PTK7: variants seen among roughly 807,000 people sequenced by gnomAD.
The protein encoded by PTK7 is inactive tyrosine-protein kinase 7.
In PTK7, 39 loss-of-function variants were observed where a neutral mutation model predicts 116.6. That is an observed-to-expected ratio of 0.33 (90% CI 0.26 to 0.44). The LOEUF (loss-of-function observed/expected upper bound fraction) is 0.44. Ranked by LOEUF, PTK7 falls within the 20% of genes least tolerant of loss-of-function variation. The pLI is 1.00. For missense variants in PTK7, 1,169 were observed against 1,425.6 expected (o/e 0.82, Z 2.90); for synonymous variants, 546 against 563.6 (o/e 0.97, Z 0.44).
chr6:43,140,472 T>C (rs938285305), intron 10 of PTK7, among the ~76,000 whole-genome samples: 22 of 151,292 alleles, frequency 1.5e-4, no homozygotes, highest in African/African-American at 5.1e-4. Flanking sequence ...AAAAAAAATA[T>C]TGGGAGAAAA....
intron 1 of PTK7, among the ~76,000 whole-genome samples, chr6:43,088,106 T>G (rs1278697142): frequency 6.6e-6 from 1 of 151,802 alleles, no homozygotes; most frequent in African/African-American, 2.4e-5. Context: ...GAGACTAGCC[T>G]GGGGAACATA....
chr6:43,101,467 G>A lies in PTK7; in HGVS notation c.79+24900G>A, dbSNP rs550063455. ...CTCGGGAAGCTGAGGCATGAGAATG[G>A]CATGAACCCGGGAGGCAGAGCTGGC... is the stretch of plus-strand genomic sequence containing the variant. On this transcript the variant is annotated intron_variant, in intron 1 of 19. Coordinates refer to ENST00000230419, the MANE Select transcript of PTK7 (RefSeq NM_002821.5). Among the ~76,000 whole-genome samples the A allele has an allele frequency of 6.4e-3, 965 of 151,514 alleles. 4 individuals carry two copies. The highest frequency in any genetic ancestry group is 0.012 in the Non-Finnish European group (792 of 67,916).
chr6:43,127,910 C>G (rs1228619741), intron 1 of PTK7, among the ~76,000 whole-genome samples: 2 of 151,564 alleles, frequency 1.3e-5, no homozygotes, highest in African/African-American at 2.4e-5. Flanking sequence ...GCCTGGGTGA[C>G]AGATCGAGAC....
chr6:43,099,140 T>G (rs1324447807), intron 1 of PTK7, among the ~76,000 whole-genome samples: 1 of 151,558 alleles, frequency 6.6e-6, no homozygotes, highest in Non-Finnish European at 1.5e-5. Context: ...AATGTGACTT[T>G]GGCAATTCTA....
At position 43,129,327 on chromosome 6, in the gene PTK7, G is replaced by A. The variant is rs757783075; in HGVS notation, c.367+63G>A. ...GACCCTCAATGACTGAGGCCTGGGG[G>A]ATCCCTCCCTTACCTCAGCTTCTCC... is the stretch of plus-strand genomic sequence containing the variant. On this transcript the variant is annotated intron_variant, in intron 2 of 19. Coordinates refer to ENST00000230419, the MANE Select transcript of PTK7 (RefSeq NM_002821.5). This position sits in a 1 kb window ranked among gnomAD's most constrained non-coding sequence, Gnocchi z 4.5. The A allele has an allele frequency of 5.1e-6, 8 of 1,576,884 alleles. No individual in the cohort carries two copies. Among genetic ancestry groups the A allele is most frequent in the Non-Finnish European group, 6.9e-6 (8 of 1,153,472 alleles).
At chr6:43,137,876 G>A (rs940263897) in intron 7 of PTK7, among the ~76,000 whole-genome samples, 6 of 151,864 alleles carry the variant, frequency 4.0e-5, no homozygotes, top group African/African-American at 7.3e-5. Flanking sequence ...GCGTGATCTC[G>A]GCTCACTGCA....
chr6:43,131,782 C>G (rs1182735537), intron 5 of PTK7: 7 of 580,492 alleles, frequency 1.2e-5, no homozygotes, highest in Non-Finnish European at 2.1e-5. Context: ...TGCCATTTGC[C>G]TCATTGCTTC....
chr6:43,117,295 G>C (rs1178397002), intron 1 of PTK7, among the ~76,000 whole-genome samples: 1 of 152,198 alleles, frequency 6.6e-6, no homozygotes, highest in African/African-American at 2.4e-5. Flanking sequence ...TGAACAACGA[G>C]TAGGAAGCAG....
chr6:43,154,277 A>G lies in PTK7; in HGVS notation c.2722-4540A>G, dbSNP rs186410668. On this transcript the variant is annotated intron_variant, in intron 17 of 19. Transcript: ENST00000230419. The stretch of plus-strand genomic sequence containing the variant: ...CTTGAGCCTGGGAGGTTGAAGATAC[A>G]GTGAACTGTGATTGCACCACTGCAC... 2.4e-3 allele frequency among the ~76,000 whole-genome samples: 369 copies of G among 152,238 alleles called. 3 individuals are homozygous for G. The highest frequency in any genetic ancestry group is 3.4e-3 in the Middle Eastern group (1 of 294).
rs1394551025 is a variant in PTK7 at position 43,137,760 on chromosome 6, A to AT, written c.1229-1087dup. On this transcript the variant is annotated intron_variant, in intron 7 of 19. Coordinates refer to ENST00000230419, the MANE Select transcript of PTK7 (RefSeq NM_002821.5). The stretch of plus-strand genomic sequence containing the variant: ...GTTTTAAATTCTGTCACTATTAGGT[A>AT]TTAGCAAATCACCATTACTTCTTCT... Among the ~76,000 whole-genome samples, 7 of 152,164 alleles carry AT rather than the reference A, an allele frequency of 4.6e-5. No individual in the cohort carries two copies. The East Asian group carries it at 1.3e-3, about 29-fold the overall frequency.
chr6:43,138,698 G>A, intron 7 of PTK7, 151 bp from the exon 8 acceptor site: 2 of 1,101,638 alleles, frequency 1.8e-6, no homozygotes, highest in Non-Finnish European at 1.3e-6. Flanking sequence ...GCTGGCACCT[G>A]GGTCTTCCGT....
intron 1 of PTK7, among the ~76,000 whole-genome samples, chr6:43,097,596 A>C (rs1207222871): frequency 6.6e-6 from 1 of 152,224 alleles, no homozygotes; most frequent in Non-Finnish European, 1.5e-5. Flanking sequence ...AAATTTGCAC[A>C]GGATAATCTA....
chr6:43,144,129 TAGG>T (rs1390870163), intron 14 of PTK7, among the ~76,000 whole-genome samples: 1 of 152,190 alleles, frequency 6.6e-6, no homozygotes, highest in Non-Finnish European at 1.5e-5. Context: ...CTTTGCCCAA[TAGG>T]AGGCCCCATG....
intron 7 of PTK7, among the ~76,000 whole-genome samples, chr6:43,137,033 C>T (rs1382607044): frequency 6.6e-6 from 1 of 152,100 alleles, no homozygotes; most frequent in Admixed American, 6.6e-5. Context: ...AACTCTACCT[C>T]TTGATGGGAA....
chr6:43,141,845 G>A lies in PTK7; in HGVS notation c.1768+28G>A. ...GCGACCGTGGCAGGGCCCTGGGGCT[G>A]GGAGGGCCCTCTGGGGTAGCACCGT... On this transcript the variant is annotated intron_variant, in intron 11 of 19. Transcript: ENST00000230419. The surrounding 1 kb of genome is among the most constrained non-coding windows in gnomAD (Gnocchi z 4.9). 4.3e-6 allele frequency: 7 copies of A among 1,609,730 alleles called. No individual in the cohort carries two copies. Among genetic ancestry groups the A allele is most frequent in the Non-Finnish European group, 5.9e-6 (7 of 1,177,638 alleles).
chr6:43,152,155 G>A (rs961495955), intron 17 of PTK7, among the ~76,000 whole-genome samples: 2 of 32,044 alleles, frequency 6.2e-5, no homozygotes, highest in East Asian at 1.0e-3. Context: ...CAGCCCACCC[G>A]CCCTCTTCTT....
At chr6:43,160,062 G>A in intron 19 of PTK7, 96 bp downstream of exon 19, 3 of 1,312,796 alleles carry the variant, frequency 2.3e-6, no homozygotes, top group Non-Finnish European at 2.1e-6. Flanking sequence ...CCCTCTCAGG[G>A]CTGCTACTGA....
At chr6:43,105,126 A>T (rs567885746) in intron 1 of PTK7, among the ~76,000 whole-genome samples, 165 of 151,258 alleles carry the variant, frequency 1.1e-3, no homozygotes, top group African/African-American at 3.8e-3. Context: ...TTTTTTTTTA[A>T]AAAAACTTCT....
At chr6:43,149,059 C>CAAAAAAA (rs59033917) in intron 17 of PTK7, among the ~76,000 whole-genome samples, 1 of 69,832 alleles carries the variant, frequency 1.4e-5, no homozygotes, top group Admixed American at 1.8e-4. Context: ...GACTTTGTCT[C>CAAAAAAA]AAAAAAAAAA....
Sources: allele counts gnomAD v4.1 joint callset (sites outside exome capture counted in the v4.1 genomes callset), GRCh38; gene constraint gnomAD v4.1.1; non-coding constraint Gnocchi (gnomAD v3.1); transcripts MANE v1.5; gene names NCBI Gene and HGNC (gene_info 2026-07-23, HGNC 2026-07-21).